The following PCDHA10 variants were observed in gnomAD, a reference collection of about 807,000 sequenced individuals.
PCDHA10 encodes protocadherin alpha 10, also known as protocadherin alpha-10.
In PCDHA10, 45 loss-of-function variants were observed where a neutral mutation model predicts 61.2. The observed-to-expected ratio is 0.74, with a 90% CI of 0.58 to 0.94. The LOEUF (loss-of-function observed/expected upper bound fraction) is 0.94, where lower values mean the gene tolerates loss of function less well. PCDHA10 is among the 40% of genes least tolerant of loss of function. The pLI is 0.00. For synonymous variants in PCDHA10, 602 were observed against 548.8 expected, an observed-to-expected ratio of 1.10 and a Z score of -1.35; for missense variants, 1,278 against 1,236.2, an observed-to-expected ratio of 1.03 and a Z score of -0.51.
chr5:140,962,047 C>T (rs1288087343), intron 1 of PCDHA10, among the ~76,000 whole-genome samples: 2 of 151,982 alleles, frequency 1.3e-5, no homozygotes, highest in South Asian at 2.1e-4. Context: ...CCATGCCTGG[C>T]TAATTTTTTT....
At chr5:140,865,669 A>G (rs546524670) in intron 1 of PCDHA10, 4 of 152,306 alleles carry the variant, frequency 2.6e-5, no homozygotes, top group African/African-American at 9.6e-5. Flanking sequence ...ACTTATAACA[A>G]TTTCTAAAGT....
chr5:140,939,481 A>G (rs1554212745), intron 1 of PCDHA10, among the ~76,000 whole-genome samples: 2 of 152,206 alleles, frequency 1.3e-5, no homozygotes, highest in Non-Finnish European at 2.9e-5. Flanking sequence ...CTTCATGAGA[A>G]TGTTAATTAT....
At chr5:140,914,445 T>C (rs782813943) in intron 1 of PCDHA10, among the ~76,000 whole-genome samples, 1 of 152,200 alleles carries the variant, frequency 6.6e-6, no homozygotes, top group South Asian at 2.1e-4. Flanking sequence ...CCCATGTCTT[T>C]ATTTTCCAGT....
rs781866730 is a variant in PCDHA10 at position 141,009,887 on chromosome 5, CAG to C, written c.2798_2799del (p.Gln933ArgfsTer11). ...GAAAAAGAAGAAGGGTAACAAGACCCAGGAGAAAAAAGAGAAAGGGAACAGCA... is the reference window on the plus strand; with the variant it reads ...GAAAAAGAAGAAGGGTAACAAGACCCGAGAAAAAAGAGAAAGGGAACAGCA... ...KKKKKKGNKTQEKKEKGNSTT... is the reference protein window; with the variant it reads ...KKKKKKGNKTXEKKEKGNSTT... On this transcript the variant is annotated frameshift_variant, in exon 4 of 4. Transcript: ENST00000307360. LOFTEE classifies it high-confidence loss of function. 1.9e-6 allele frequency: 3 copies of C among 1,612,850 alleles called. No homozygotes were observed. In the South Asian group the frequency reaches 3.3e-5, roughly 18 times the overall value.
rs2098422568 is a variant in PCDHA10 at position 141,011,988 on chromosome 5, C to A, written c.*2051C>A. ...AAACTGTCTTGTCTACTTTTAGCTTCATTCTCCCATATTTTGAAGGGTGTG... is the reference window on the plus strand; with the variant it reads ...AAACTGTCTTGTCTACTTTTAGCTTAATTCTCCCATATTTTGAAGGGTGTG... On this transcript the variant is annotated 3_prime_UTR_variant, in exon 4 of 4. Coordinates refer to ENST00000307360, the MANE Select transcript of PCDHA10 (RefSeq NM_018901.4). 6.5e-6 allele frequency: 1 copy of A among 153,688 alleles called. No individual in the cohort carries two copies. The highest frequency in any genetic ancestry group is 2.4e-5 in the African/African-American group (1 of 41,434). 9.5% of individuals were successfully genotyped at this position (153,688 alleles called of 1,614,324 possible). A position where few individuals can be genotyped will look rare whatever the true frequency, so the allele number is the denominator to read the frequency against.
At position 140,856,610 on chromosome 5, in the gene PCDHA10, G is replaced by A. The variant is rs782134319; in HGVS notation, c.562G>A (p.Asp188Asn). ...VLDIINKKDK[D>N]KFPVLVLRKL... Reference sequence around the variant, plus strand: ...TGATATTATAAACAAAAAAGACAAAGACAAATTCCCAGTGCTTGTTCTGCG... The same window carrying A: ...TGATATTATAAACAAAAAAGACAAAAACAAATTCCCAGTGCTTGTTCTGCG... Residue 188 changes from aspartate (D) to asparagine (N), a missense_variant, in exon 1 of 4, where the codon GAC becomes AAC. By Grantham distance (23) the Asp-to-Asn change is conservative. Transcript: ENST00000307360. 5 of 1,597,928 alleles carry A rather than the reference G, an allele frequency of 3.1e-6. No homozygotes were observed. The Admixed American group carries it at 5.1e-5, about 16-fold the overall frequency.
rs1476746131 is a variant in PCDHA10, at chr5:140,870,515, G to A, written c.2388+12079G>A. 8.7e-6 allele frequency: 14 copies of A among 1,614,236 alleles called. No homozygotes were observed. Among genetic ancestry groups the A allele is most frequent in the Non-Finnish European group, 1.1e-5 (13 of 1,180,048 alleles). On this transcript the variant is annotated intron_variant, in intron 1 of 3. Transcript: ENST00000307360. The stretch of plus-strand genomic sequence containing the variant: ...GTGAAGGAGAACAACCCACCAGGCT[G>A]CCACATCTTCACAGTGTCGGCGCGG...
intron 1 of PCDHA10, chr5:140,871,575 A>C (rs974047385): frequency 1.4e-6 from 2 of 1,477,482 alleles, no homozygotes; most frequent in Non-Finnish European, 1.8e-6. Flanking sequence ...GGATTTTTTA[A>C]GGGAAAGTTT....
chr5:140,968,866 A>G, intron 1 of PCDHA10: 1 of 1,614,230 alleles, frequency 6.2e-7, no homozygotes, highest in Non-Finnish European at 8.5e-7. Flanking sequence ...GCCCTCGGAC[A>G]TACTCTGAAA....
At chr5:141,009,459 A>T in intron 3 of PCDHA10, 168 bp from the exon 4 acceptor site, 3 of 950,878 alleles carry the variant, frequency 3.2e-6, no homozygotes, top group Non-Finnish European at 3.8e-6. Context: ...AATTAAACAA[A>T]TAAATAAATA....
In PCDHA10 at chr5:140,999,778, T is replaced by G. The variant is rs1252583642; in HGVS notation, c.2537-9849T>G. On this transcript the variant is annotated intron_variant, in intron 3 of 3. Coordinates refer to ENST00000307360, the MANE Select transcript of PCDHA10 (RefSeq NM_018901.4). ...ACATGATGTCTTTATACTCTTAACC[T>G]AGAAATGGCAGAGTTATTTTGGGCA... 3.0e-4 allele frequency among the ~76,000 whole-genome samples: 46 copies of G among 152,162 alleles called. 1 individual carries two copies.
intron 1 of PCDHA10, chr5:140,969,187 G>A (rs1469342094): frequency 1.2e-6 from 2 of 1,614,106 alleles, no homozygotes; most frequent in Non-Finnish European, 8.5e-7. Context: ...ACACTTTCAT[G>A]TTTTACAATA....
chr5:140,879,366 C>A (rs1363345702), intron 1 of PCDHA10, among the ~76,000 whole-genome samples: 1 of 152,156 alleles, frequency 6.6e-6, no homozygotes, highest in East Asian at 1.9e-4. Flanking sequence ...CATTAACCAA[C>A]CTGCAGAACA....
chr5:140,856,675 G>T lies in PCDHA10; in HGVS notation c.627G>T (p.Leu209Phe), dbSNP rs782417357. The change falls in exon 1 of 4, where the codon TTG becomes TTT. Residue 209 changes from leucine to phenylalanine, a missense_variant. Leu to Phe is a conservative substitution (Grantham distance 22). Coordinates refer to ENST00000307360, the MANE Select transcript of PCDHA10 (RefSeq NM_018901.4). Reference protein sequence around the residue: ...LDREENPQLKLLLTATDGGKP... With the variant: ...LDREENPQLKFLLTATDGGKP... ...GTGAAGAAAATCCTCAGCTAAAGTT[G>T]TTGTTGACAGCAACTGATGGAGGCA... 1 of 1,597,790 alleles carries T rather than the reference G, an allele frequency of 6.3e-7. No individual in the cohort carries two copies. The highest frequency in any genetic ancestry group is 1.1e-5 in the South Asian group (1 of 90,536).
intron 3 of PCDHA10, among the ~76,000 whole-genome samples, chr5:141,003,476 C>G (rs555987176): frequency 1.3e-3 from 191 of 152,130 alleles, no homozygotes; most frequent in African/African-American, 4.3e-3. Context: ...CACAGTCTCG[C>G]TAATTTTTAT....
At position 140,982,478 on chromosome 5, in the gene PCDHA10, T is replaced by C; in HGVS notation, c.2451T>C (p.Ser817=). ...CTGGGTCTGTGTGTTTATTCAGCTCTGTGCACCTAGAGGAGGCTGGCATTC... is the reference window on the plus strand; with the variant it reads ...CTGGGTCTGTGTGTTTATTCAGCTCCGTGCACCTAGAGGAGGCTGGCATTC... ...SASLRAGMHS[S]VHLEEAGILR... Residue 817 remains serine (S), a synonymous_variant, in exon 3 of 4, where the codon TCT becomes TCC. Coordinates refer to ENST00000307360, the MANE Select transcript of PCDHA10 (RefSeq NM_018901.4). 1 of 1,614,192 alleles carries C rather than the reference T, an allele frequency of 6.2e-7. No individual in the cohort carries two copies. The highest frequency in any genetic ancestry group is 2.2e-5 in the East Asian group (1 of 44,884).
chr5:140,869,307 C>G, intron 1 of PCDHA10: 2 of 1,613,664 alleles, frequency 1.2e-6, no homozygotes, highest in Non-Finnish European at 1.7e-6. Flanking sequence ...GGGTGGCGTC[C>G]AAAACACATG....
chr5:140,865,144 T>G (rs2048753153), intron 1 of PCDHA10: 1 of 152,224 alleles, frequency 6.6e-6, no homozygotes, highest in East Asian at 1.9e-4. Context: ...AATTTAACAT[T>G]GTATACTTTT....
chr5:140,871,185 T>C (rs782235765), intron 1 of PCDHA10: 1 of 1,613,600 alleles, frequency 6.2e-7, no homozygotes, highest in Admixed American at 1.7e-5. Flanking sequence ...CGCTGGTGGA[T>C]GTCAACGTGT....
Sources: gnomAD v4.1 joint callset for allele counts (sites outside exome capture counted in the v4.1 genomes callset) on GRCh38, gnomAD v4.1.1 for gene constraint, MANE v1.5 for transcripts, NCBI Gene and HGNC (gene_info 2026-07-23, HGNC 2026-07-21) for gene names.